The following TRMT2B variants were observed in gnomAD, a reference collection of about 807,000 sequenced individuals.
The protein encoded by TRMT2B is tRNA (uracil-5-)-methyltransferase homolog B.
A neutral mutation model predicts 39.7 loss-of-function variants in TRMT2B; 34 were observed. That is an observed-to-expected ratio of 0.86 (90% CI 0.65 to 1.14). The LOEUF is 1.14. Among genes scored for constraint, TRMT2B ranks in the 50% most tolerant of loss-of-function variants. TRMT2B has a pLI of 0.00. For synonymous variants in TRMT2B, 132 were observed against 137.3 expected (o/e 0.96, Z 0.27); for missense variants, 318 against 377.2 (o/e 0.84, Z 1.30).
chrX:101,030,823 G>T (rs2087415155), intron 7 of TRMT2B, among the ~76,000 whole-genome samples: 1 of 110,760 alleles, frequency 9.0e-6, no homozygotes, highest in African/African-American at 3.3e-5. Context: ...CCAGGCAGGA[G>T]ATTTGGATAT....
the TRMT2B span, among the ~76,000 whole-genome samples, chrX:100,994,257 C>A: frequency 8.9e-6 from 1 of 111,976 alleles, no homozygotes; most frequent in Admixed American, 9.5e-5. Context: ...TGGATAGTTT[C>A]TTGAGCCTGG....
At chrX:101,032,881 C>A (rs1165622683) in intron 7 of TRMT2B, among the ~76,000 whole-genome samples, 2 of 109,411 alleles carry the variant, frequency 1.8e-5, no homozygotes, top group African/African-American at 3.3e-5. Flanking sequence ...GGAAAAAGGT[C>A]TTCAGGGAAA....
chrX:101,037,663 G>A lies in TRMT2B; in HGVS notation c.438+254C>T, dbSNP rs140389695. 7.0e-3 allele frequency: 2,003 copies of A among 284,791 alleles called. 43 individuals carry two copies. The highest frequency in any genetic ancestry group is 0.051 in the African/African-American group (1,862 of 36,319). The allele number at this position is 284,791 out of a possible 1,213,427, so 23.5% of individuals were successfully genotyped here. On this transcript the variant is annotated intron_variant, in intron 5 of 13. Coordinates refer to ENST00000372936, the MANE Select transcript of TRMT2B (RefSeq NM_024917.6). ...GAGTCTCTATCAGATAGACCTGAGC[G>A]TGAATCTCAGCTCTGGCCCTTTCTA...
downstream of TRMT2B, among the ~76,000 whole-genome samples, chrX:101,005,928 A>G (rs774934366): frequency 3.9e-4 from 40 of 102,899 alleles, no homozygotes; most frequent in African/African-American, 1.2e-3. Context: ...GAAAAAAAGA[A>G]AAAGAATGTG....
chrX:101,042,000 T>C (rs1187256991), intron 3 of TRMT2B, 42 bp downstream of exon 3: 6 of 1,196,348 alleles, frequency 5.0e-6, no homozygotes, highest in Non-Finnish European at 6.8e-6. Flanking sequence ...GATGTACAGA[T>C]TGAGACCTGC....
chrX:100,973,444 G>A, the TRMT2B span, among the ~76,000 whole-genome samples: 1 of 107,420 alleles, frequency 9.3e-6, no homozygotes, highest in Non-Finnish European at 1.9e-5. Flanking sequence ...CCGGCGCGGC[G>A]GCAAAGACTG....
chrX:101,004,378 C>T (rs1311732891), downstream of TRMT2B, among the ~76,000 whole-genome samples: 11 of 111,315 alleles, frequency 9.9e-5, no homozygotes, highest in Admixed American at 1.1e-3. Flanking sequence ...ATTTGGTTCT[C>T]TACGTTACCC....
chrX:100,979,474 T>C, the TRMT2B span, among the ~76,000 whole-genome samples: 1 of 112,348 alleles, frequency 8.9e-6, no homozygotes, highest in Non-Finnish European at 1.9e-5. Flanking sequence ...TCAATCTTTG[T>C]TAAACTTATC....
At chrX:100,982,383 G>A in the TRMT2B span, among the ~76,000 whole-genome samples, 7 of 110,540 alleles carry the variant, frequency 6.3e-5, no homozygotes, top group African/African-American at 1.3e-4. Flanking sequence ...TCTCAGCTAC[G>A]CAGCAGGCTG....
chrX:101,045,055 G>C (rs1203181349), intron 2 of TRMT2B, among the ~76,000 whole-genome samples: 3 of 105,936 alleles, frequency 2.8e-5, no homozygotes, highest in Non-Finnish European at 5.8e-5. Flanking sequence ...GGGGTGGGGT[G>C]CTCATGTCTG....
At chrX:101,037,668 T>G (rs770481514) in intron 5 of TRMT2B, 1 of 297,444 alleles carries the variant, frequency 3.4e-6, no homozygotes, top group Non-Finnish European at 5.9e-6. Context: ...TGAGCGTGAA[T>G]CTCAGCTCTG....
chrX:101,034,330 T>TG (rs1404615279), intron 7 of TRMT2B, among the ~76,000 whole-genome samples: 1 of 102,289 alleles, frequency 9.8e-6, no homozygotes, highest in African/African-American at 3.6e-5. Context: ...TTAGTAGAGA[T>TG]GGGGTTTAGC....
At chrX:101,014,327 T>C (rs1192021125) in intron 13 of TRMT2B, among the ~76,000 whole-genome samples, 1 of 110,354 alleles carries the variant, frequency 9.1e-6, no homozygotes, top group Non-Finnish European at 1.9e-5. Context: ...ATTTGAATTT[T>C]CTTTCTCTCT....
chrX:100,990,652 G>C, the TRMT2B span: 1 of 1,050,642 alleles, frequency 9.5e-7, no homozygotes, highest in Non-Finnish European at 1.3e-6. Flanking sequence ...AAAAAGAACA[G>C]AGACTTTACA....
chrX:101,022,558 T>C (rs1347514121), intron 8 of TRMT2B, among the ~76,000 whole-genome samples: 1 of 107,946 alleles, frequency 9.3e-6, no homozygotes, highest in African/African-American at 3.4e-5. Context: ...GAGGCGGAGG[T>C]TGCAGTGAAC....
At chrX:101,027,458 G>A (rs913591113) in intron 7 of TRMT2B, among the ~76,000 whole-genome samples, 1 of 107,512 alleles carries the variant, frequency 9.3e-6, no homozygotes, top group African/African-American at 3.4e-5. Flanking sequence ...TGGTCAGGCT[G>A]GTCTTGATCT....
At chrX:101,037,882 C>T (rs376737424) in intron 5 of TRMT2B, 35 bp downstream of exon 5, 30 of 1,195,101 alleles carry the variant, frequency 2.5e-5, no homozygotes, top group Non-Finnish European at 3.3e-5. Flanking sequence ...ATTAAGGGGC[C>T]TTAATAGATA....
At chrX:101,036,918 T>C (rs1447061255) in intron 6 of TRMT2B, 56 bp downstream of exon 6, 4 of 961,014 alleles carry the variant, frequency 4.2e-6, no homozygotes, top group Non-Finnish European at 4.5e-6. Flanking sequence ...CTACTGACAC[T>C]TCTCTGCACC....
intron 6 of TRMT2B, among the ~76,000 whole-genome samples, chrX:101,036,376 C>T (rs1320386023): frequency 3.3e-5 from 3 of 90,729 alleles, no homozygotes; most frequent in Non-Finnish European, 6.3e-5. Flanking sequence ...ACTCGGGAGG[C>T]GGAGGTTGCA....
Sources: allele counts gnomAD v4.1 joint callset (sites outside exome capture counted in the v4.1 genomes callset), GRCh38; gene constraint gnomAD v4.1.1; transcripts MANE v1.5; gene names NCBI Gene and HGNC (gene_info 2026-07-23, HGNC 2026-07-21).